Variants in EML1 observed in about 807,000 individuals in gnomAD.
The protein encoded by EML1 is EMAP like 1.
A neutral mutation model predicts 110.4 loss-of-function variants in EML1; 27 were observed. That is an observed-to-expected ratio of 0.24 (90% CI 0.18 to 0.34). The LOEUF (loss-of-function observed/expected upper bound fraction) is 0.34. Ranked by LOEUF, EML1 falls within the 10% of genes least tolerant of loss-of-function variation. The pLI is 1.00. For synonymous variants in EML1, 344 were observed against 385.8 expected (o/e 0.89, Z 1.27); for missense variants, 741 against 1,030.9 (o/e 0.72, Z 3.85).
rs2060121901 is a variant in EML1 at position 99,921,024 on chromosome 14, A to G, written c.1909+147A>G. On this transcript the variant is annotated intron_variant, in intron 17 of 21. Coordinates refer to ENST00000262233, the MANE Select transcript of EML1 (RefSeq NM_004434.3). ...GCACAGATCAACCCATCACCCACGT[A>G]TTAAGCCCAGCACCCATTAGCTGTT... The G allele has an allele frequency of 2.2e-5, 15 of 677,232 alleles. No individual in the cohort carries two copies. In the South Asian group the frequency reaches 2.9e-4, roughly 13 times the overall value. 42.0% of individuals were successfully genotyped at this position (677,232 alleles called of 1,614,324 possible).
chr14:99,790,282 T>C (rs2057649253), upstream of EML1, among the ~76,000 whole-genome samples: 1 of 152,198 alleles, frequency 6.6e-6, no homozygotes, highest in African/African-American at 2.4e-5. Flanking sequence ...CCAAATATCA[T>C]AACATTAAAC....
chr14:99,763,327 T>C (rs969645193), intron 1 of EML1, among the ~76,000 whole-genome samples: 3 of 152,228 alleles, frequency 2.0e-5, no homozygotes, highest in African/African-American at 7.2e-5. Flanking sequence ...TGTGTGCATC[T>C]ATAAATATAC....
rs1021623990 is a variant in EML1, at chr14:99,932,420, C to T, written c.1910-3609C>T. On this transcript the variant is annotated intron_variant, in intron 17 of 21. Transcript: ENST00000262233. ...TGGGAGGCCGAGGCAAGTGGATTAC[C>T]TGAGGTCAGGAGTTTGAGACCAGCC... Among the ~76,000 whole-genome samples the T allele has an allele frequency of 8.0e-5, 12 of 150,708 alleles. No homozygotes were observed. The East Asian group carries it at 2.2e-3, about 28-fold the overall frequency.
At chr14:99,909,555 C>G in intron 11 of EML1, 76 bp downstream of exon 11, 1 of 1,579,560 alleles carries the variant, frequency 6.3e-7, no homozygotes, top group Non-Finnish European at 8.7e-7. Flanking sequence ...TCTGGGGGCT[C>G]TGGTGATCAA....
intron 1 of EML1, among the ~76,000 whole-genome samples, chr14:99,741,473 C>T (rs1204656850): frequency 6.6e-6 from 1 of 152,112 alleles, no homozygotes; most frequent in Non-Finnish European, 1.5e-5. Context: ...CCAAAAGGCC[C>T]CCAAGTACTT....
intron 1 of EML1, among the ~76,000 whole-genome samples, chr14:99,796,905 GTGTA>G (rs890979957): frequency 7.6e-5 from 10 of 131,302 alleles, no homozygotes; most frequent in East Asian, 2.8e-4. Flanking sequence ...ATCTTTGTGT[GTGTA>G]TGTGTGTGTG....
rs544623245 is a variant in EML1, at chr14:99,878,289, T to A, written c.384-196T>A. 2.6e-5 allele frequency among the ~76,000 whole-genome samples: 4 copies of A among 152,250 alleles called. No individual in the cohort carries two copies. In the East Asian group the frequency reaches 7.7e-4, roughly 29 times the overall value. On this transcript the variant is annotated intron_variant, in intron 3 of 21. Coordinates refer to ENST00000262233, the MANE Select transcript of EML1 (RefSeq NM_004434.3). ...ATGACTGTGAACTGTGCTAGTGGCC[T>A]CAGTTAAAAAGGCAGAGAGAGAGCA...
intron 1 of EML1, among the ~76,000 whole-genome samples, chr14:99,744,451 A>C (rs921557733): frequency 2.0e-5 from 3 of 152,206 alleles, no homozygotes; most frequent in Non-Finnish European, 2.9e-5. Context: ...CCACATGGGC[A>C]CACCAAATGG....
intron 1 of EML1, among the ~76,000 whole-genome samples, chr14:99,801,081 C>T (rs2139683385): frequency 6.6e-6 from 1 of 152,384 alleles, no homozygotes; most frequent in Admixed American, 6.5e-5. Flanking sequence ...ACCCTTCACT[C>T]TGCAAAGCCC....
chr14:99,811,814 A>AAG (rs72348039), intron 1 of EML1, among the ~76,000 whole-genome samples: 9 of 149,932 alleles, frequency 6.0e-5, no homozygotes, highest in African/African-American at 1.5e-4. Flanking sequence ...ATGTCTCAAA[A>AAG]AGAGAGAGAG....
chr14:99,833,394 G>A (rs2058491869), intron 1 of EML1, among the ~76,000 whole-genome samples: 4 of 152,156 alleles, frequency 2.6e-5, no homozygotes, highest in Non-Finnish European at 5.9e-5. Context: ...TTGTCTTGAT[G>A]ACTGTCACTT....
At chr14:99,823,312 C>T (rs530419398) in intron 1 of EML1, among the ~76,000 whole-genome samples, 2 of 152,018 alleles carry the variant, frequency 1.3e-5, no homozygotes, top group African/African-American at 2.4e-5. Context: ...TGGGTGGTGT[C>T]GGCCTTGCCC....
chr14:99,798,457 A>G (rs965072237), intron 1 of EML1, among the ~76,000 whole-genome samples: 14 of 151,130 alleles, frequency 9.3e-5, no homozygotes, highest in African/African-American at 2.9e-4. Flanking sequence ...CAGTGGTGCA[A>G]TCTTGCCTCA....
intron 1 of EML1, among the ~76,000 whole-genome samples, chr14:99,835,562 C>G (rs1471628763): frequency 6.6e-6 from 1 of 152,130 alleles, no homozygotes; most frequent in African/African-American, 2.4e-5. Context: ...TTCCCCATCC[C>G]CTACTTCCTT....
intron 1 of EML1, among the ~76,000 whole-genome samples, chr14:99,850,559 C>T (rs1486264538): frequency 6.6e-6 from 1 of 151,952 alleles, no homozygotes; most frequent in African/African-American, 2.4e-5. Flanking sequence ...TAAGGTTCTC[C>T]GGTATCGCTG....
At chr14:99,924,284 T>C (rs369810324) in intron 17 of EML1, among the ~76,000 whole-genome samples, 2 of 152,248 alleles carry the variant, frequency 1.3e-5, no homozygotes, top group Non-Finnish European at 2.9e-5. Context: ...GTAGATCTTA[T>C]ATCCTATGAC....
chr14:99,816,847 C>T (rs2058176130), intron 1 of EML1, among the ~76,000 whole-genome samples: 1 of 152,236 alleles, frequency 6.6e-6, no homozygotes, highest in African/African-American at 2.4e-5. Context: ...GTTAGCAGTT[C>T]TCAAGCTTTT....
intron 1 of EML1, among the ~76,000 whole-genome samples, chr14:99,777,405 CTTTCTTTTTTTG>C (rs933666538): frequency 4.6e-5 from 7 of 152,044 alleles, no homozygotes; most frequent in Admixed American, 3.9e-4. Context: ...CTTTACCTTT[CTTTCTTTTTTTG>C]TTTCTTTTTG....
At chr14:99,761,353 T>C (rs998840598) in intron 1 of EML1, among the ~76,000 whole-genome samples, 1 of 152,268 alleles carries the variant, frequency 6.6e-6, no homozygotes, top group African/African-American at 2.4e-5. Context: ...GTGGAGTGGC[T>C]GTTTGACAGA....
Sources: allele counts gnomAD v4.1 joint callset (sites outside exome capture counted in the v4.1 genomes callset), GRCh38; gene constraint gnomAD v4.1.1; transcripts MANE v1.5; gene names NCBI Gene and HGNC (gene_info 2026-07-23, HGNC 2026-07-21).